GTF2F2: variants seen among roughly 807,000 people sequenced by gnomAD.
GTF2F2 encodes the protein ATP-dependent helicase GTF2F2.
GTF2F2 carries 23 observed loss-of-function variants against 42.2 expected under a neutral mutation model. The ratio of observed to expected loss-of-function variants is 0.55; its 90% CI spans 0.39 to 0.77. The LOEUF is 0.77. Ranked by LOEUF, GTF2F2 falls within the 30% of genes least tolerant of loss-of-function variation. The pLI, the probability that GTF2F2 is intolerant of heterozygous loss-of-function variation, is 0.00. For missense variants in GTF2F2, 261 were observed against 287.2 expected, an observed-to-expected ratio of 0.91 and a Z score of 0.66; for synonymous variants, 105 against 100.8, an observed-to-expected ratio of 1.04 and a Z score of -0.25.
At chr13:45,191,013 T>C (rs1287116182) in intron 4 of GTF2F2, among the ~76,000 whole-genome samples, 2 of 151,380 alleles carry the variant, frequency 1.3e-5, no homozygotes, top group Non-Finnish European at 2.9e-5. Context: ...TCATCTTCCT[T>C]GAATTATTTG....
chr13:45,246,864 C>T (rs1299623256), intron 5 of GTF2F2, among the ~76,000 whole-genome samples: 3 of 151,278 alleles, frequency 2.0e-5, no homozygotes, highest in Non-Finnish European at 2.9e-5. Flanking sequence ...GGTGAAACCC[C>T]GTCTCTACTA....
chr13:45,159,505 C>T (rs888640577), intron 4 of GTF2F2, among the ~76,000 whole-genome samples: 14 of 152,356 alleles, frequency 9.2e-5, no homozygotes, highest in African/African-American at 3.4e-4. Flanking sequence ...ATTCTCCTGC[C>T]TCAGCCTCCC....
At chr13:45,126,687 C>G (rs893885245) in intron 1 of GTF2F2, among the ~76,000 whole-genome samples, 2 of 152,186 alleles carry the variant, frequency 1.3e-5, no homozygotes, top group Non-Finnish European at 2.9e-5. Context: ...ACTGTGTAAA[C>G]TACGACTTAT....
intron 4 of GTF2F2, among the ~76,000 whole-genome samples, chr13:45,186,581 G>T (rs975936634): frequency 6.6e-6 from 1 of 152,032 alleles, no homozygotes. Flanking sequence ...GTGAGCCACC[G>T]CACCCAGCCG....
intron 4 of GTF2F2, chr13:45,193,688 A>T (rs1228249582): frequency 9.1e-7 from 1 of 1,101,958 alleles, no homozygotes; most frequent in Non-Finnish European, 1.3e-6. Context: ...GCTCTGTAGT[A>T]CAGAGCTAGC....
Position 45,151,750 on chromosome 13 carries a change from G to T in GTF2F2, c.223G>T (p.Val75Phe). The T allele has an allele frequency of 1.2e-6, 2 of 1,600,616 alleles. No homozygotes were observed. Among genetic ancestry groups the T allele is most frequent in the Admixed American group, 3.4e-5 (2 of 59,166 alleles). The part of the protein sequence containing the change: ...IHDIGGKPAS[V>F]SAPREHPFVL... ...TGATATTGGTGGAAAACCAGCTTCA[G>T]TCAGTGCTCCTAGAGAACATCCATT... Residue 75 changes from valine to phenylalanine, a missense_variant, in exon 4 of 8, where the codon GTC (valine) becomes TTC (phenylalanine). Physicochemically the swap from Val to Phe is conservative, Grantham distance 50. Coordinates refer to ENST00000340473, the MANE Select transcript of GTF2F2 (RefSeq NM_004128.3).
intron 5 of GTF2F2, among the ~76,000 whole-genome samples, chr13:45,211,350 A>G (rs1039869395): frequency 6.6e-6 from 1 of 150,930 alleles, no homozygotes; most frequent in Admixed American, 6.6e-5. Flanking sequence ...CATTATCACT[A>G]AGGTGAGGCT....
chr13:45,208,937 A>T (rs1873525780), intron 5 of GTF2F2, among the ~76,000 whole-genome samples: 1 of 152,200 alleles, frequency 6.6e-6, no homozygotes, highest in Non-Finnish European at 1.5e-5. Context: ...GTCTTTTTGA[A>T]AATTTATCTC....
intron 1 of GTF2F2, among the ~76,000 whole-genome samples, chr13:45,125,134 A>G (rs1231352970): frequency 1.3e-5 from 2 of 152,228 alleles, no homozygotes; most frequent in Non-Finnish European, 2.9e-5. Flanking sequence ...TGTAGCGAGT[A>G]TTTTGCAAAG....
chr13:45,271,415 G>T (rs970122719), intron 7 of GTF2F2, among the ~76,000 whole-genome samples: 1 of 150,314 alleles, frequency 6.7e-6, no homozygotes, highest in Admixed American at 6.6e-5. Context: ...AGACAGTCTT[G>T]CTCTGTCACC....
At chr13:45,266,146 C>T (rs944399827) in intron 6 of GTF2F2, among the ~76,000 whole-genome samples, 6 of 152,178 alleles carry the variant, frequency 3.9e-5, no homozygotes, top group Non-Finnish European at 8.8e-5. Flanking sequence ...CATGGAGGTA[C>T]ACAAAACTGC....
chr13:45,137,001 C>T (rs1278527890), intron 2 of GTF2F2, among the ~76,000 whole-genome samples, 195 bp downstream of exon 2: 5 of 152,180 alleles, frequency 3.3e-5, no homozygotes, highest in African/African-American at 1.2e-4. Flanking sequence ...ATCCCCACAC[C>T]CACACTCCTA....
At chr13:45,191,224 A>AAAAAAAAT in intron 4 of GTF2F2, among the ~76,000 whole-genome samples, 65 of 75,296 alleles carry the variant, frequency 8.6e-4, no homozygotes, top group African/African-American at 2.7e-3. Flanking sequence ...ACAAAAAAAA[A>AAAAAAAAT]ATATATATAT....
intron 2 of GTF2F2, among the ~76,000 whole-genome samples, chr13:45,141,292 G>T (rs1869913421): frequency 6.6e-6 from 1 of 152,000 alleles, no homozygotes; most frequent in Admixed American, 6.6e-5. Flanking sequence ...AGCAATAATG[G>T]GCATGCTGCA....
chr13:45,278,832 T>TTC, intron 7 of GTF2F2, among the ~76,000 whole-genome samples: 1 of 140,436 alleles, frequency 7.1e-6, no homozygotes, highest in Admixed American at 7.0e-5. Flanking sequence ...TTTTTTTTTT[T>TTC]TTTTTTTTTG....
chr13:45,227,174 T>G (rs1348177936), intron 5 of GTF2F2, among the ~76,000 whole-genome samples: 1 of 152,208 alleles, frequency 6.6e-6, no homozygotes, highest in Admixed American at 6.5e-5. Context: ...ATTTTTCAAT[T>G]TTTTCTTTCT....
At chr13:45,206,323 T>C (rs1350502106) in intron 4 of GTF2F2, 1 of 152,226 alleles carries the variant, frequency 6.6e-6, no homozygotes. Flanking sequence ...TTCTATACAC[T>C]TTCTGCATTT....
chr13:45,212,829 C>T (rs995275066), intron 5 of GTF2F2, among the ~76,000 whole-genome samples: 2 of 151,742 alleles, frequency 1.3e-5, no homozygotes, highest in Non-Finnish European at 2.9e-5. Context: ...ACAACCTCCG[C>T]CTCCCACCTC....
At chr13:45,132,589 C>T (rs1171057566) in intron 1 of GTF2F2, among the ~76,000 whole-genome samples, 1 of 152,054 alleles carries the variant, frequency 6.6e-6, no homozygotes, top group Non-Finnish European at 1.5e-5. Flanking sequence ...ATTACTTTTG[C>T]CCTGAGTCAC....
Sources: gnomAD v4.1 joint callset for allele counts (sites outside exome capture counted in the v4.1 genomes callset) on GRCh38, gnomAD v4.1.1 for gene constraint, MANE v1.5 for transcripts, NCBI Gene and HGNC (gene_info 2026-07-23, HGNC 2026-07-21) for gene names.